Variants in PLBD1 observed in about 807,000 individuals in gnomAD.
The protein encoded by PLBD1 is lysosomal leucine aminopeptidase.
Under a neutral mutation model 63.0 loss-of-function variants are expected in PLBD1, and 60 were observed. That is an observed-to-expected ratio of 0.95 (90% confidence interval 0.77 to 1.18). The LOEUF is 1.18. PLBD1 is among the 50% of genes most tolerant of loss of function. PLBD1 has a pLI of 0.00. For synonymous variants in PLBD1, 262 were observed against 248.0 expected (o/e 1.06, Z -0.53); for missense variants, 598 against 677.9 (o/e 0.88, Z 1.31).
chr12:14,511,335 T>C lies in PLBD1; in HGVS notation c.1111A>G (p.Lys371Glu), dbSNP rs1945296704. 1.9e-6 allele frequency: 3 copies of C among 1,613,236 alleles called. No homozygotes were observed. Among genetic ancestry groups the C allele is most frequent in the Non-Finnish European group, 2.5e-6 (3 of 1,179,308 alleles). The change falls in exon 8 of 11, where the codon AAA becomes GAA. Residue 371 changes from lysine (K) to glutamate (E), a missense_variant. By Grantham distance (56) the Lys-to-Glu change is moderately conservative (BLOSUM62 1). Coordinates refer to ENST00000240617, the MANE Select transcript of PLBD1 (RefSeq NM_024829.6). ...TGCTCCACAATGTACAGAGTGCCTT[T>C]GTCAAGACTGTGGTTCAGCTTTACT... is the stretch of plus-strand genomic sequence containing the variant. ...KKVKLNHSLD[K>E]GTLYIVEQIP...
chr12:14,524,290 GAAGA>G (rs1286763483), intron 6 of PLBD1, among the ~76,000 whole-genome samples: 2 of 152,056 alleles, frequency 1.3e-5, no homozygotes, highest in Non-Finnish European at 2.9e-5. Flanking sequence ...TAAATAACTA[GAAGA>G]GAGATTTTTG....
intron 6 of PLBD1, among the ~76,000 whole-genome samples, chr12:14,526,151 A>G (rs1945413979): frequency 6.6e-6 from 1 of 152,218 alleles, no homozygotes; most frequent in Non-Finnish European, 1.5e-5. Context: ...AAATATATAA[A>G]TATTTACAGT....
chr12:14,523,581 C>T (rs574326738), intron 6 of PLBD1, among the ~76,000 whole-genome samples: 23 of 152,232 alleles, frequency 1.5e-4, no homozygotes, highest in African/African-American at 4.8e-4. Flanking sequence ...TCAAAATATA[C>T]TACAAAGTTA....
At chr12:14,513,164 A>T (rs1177211598) in intron 6 of PLBD1, among the ~76,000 whole-genome samples, 1 of 152,200 alleles carries the variant, frequency 6.6e-6, no homozygotes, top group Non-Finnish European at 1.5e-5. Flanking sequence ...TATGTTATAC[A>T]AAAGAAAGGA....
intron 1 of PLBD1, among the ~76,000 whole-genome samples, chr12:14,564,808 A>G (rs1945767905): frequency 6.6e-6 from 1 of 152,074 alleles, no homozygotes; most frequent in Non-Finnish European, 1.5e-5. Flanking sequence ...CTCAGCAGCC[A>G]ACCCTAAAAG....
At chr12:14,519,309 T>A (rs1456695154) in intron 6 of PLBD1, among the ~76,000 whole-genome samples, 1 of 152,174 alleles carries the variant, frequency 6.6e-6, no homozygotes, top group African/African-American at 2.4e-5. Context: ...TAATTCAACA[T>A]GACCGGTGTC....
chr12:14,552,804 G>A (rs550206628), intron 2 of PLBD1, among the ~76,000 whole-genome samples: 14 of 152,348 alleles, frequency 9.2e-5, no homozygotes, highest in South Asian at 2.1e-4. Context: ...TAAGTGCCAT[G>A]AGAATTAAAG....
chr12:14,536,405 T>A (rs1945514814), intron 5 of PLBD1, among the ~76,000 whole-genome samples, 165 bp downstream of exon 5: 1 of 152,218 alleles, frequency 6.6e-6, no homozygotes, highest in South Asian at 2.1e-4. Flanking sequence ...GTACTTACAA[T>A]TCTCTCCATC....
chr12:14,566,922 T>G (rs1945791541), intron 1 of PLBD1, among the ~76,000 whole-genome samples: 1 of 151,870 alleles, frequency 6.6e-6, no homozygotes, highest in African/African-American at 2.4e-5. Flanking sequence ...TGGTGAAACC[T>G]CGTCTCTACT....
chr12:14,508,613 A>G (rs1009221986), intron 8 of PLBD1, among the ~76,000 whole-genome samples: 5 of 152,058 alleles, frequency 3.3e-5, no homozygotes, highest in African/African-American at 1.2e-4. Context: ...CACTAAAAAT[A>G]TAAAAAAATA....
rs541008696 is a variant in PLBD1, at chr12:14,527,994, C to T, written c.844+7665G>A. The stretch of plus-strand genomic sequence containing the variant: ...AAGGGTCAATATAGTAGGAATATAC[C>T]ATACTTATGAATGTATGTGCTAAAT... On this transcript the variant is annotated intron_variant, in intron 6 of 10. Transcript: ENST00000240617. 7.3e-5 allele frequency among the ~76,000 whole-genome samples: 11 copies of T among 151,082 alleles called. No homozygotes were observed. In the Middle Eastern group the frequency reaches 0.017, roughly 240 times the overall value.
intron 8 of PLBD1, 47 bp from the exon 9 acceptor site, chr12:14,507,165 A>AG: frequency 7.2e-7 from 1 of 1,398,150 alleles, no homozygotes; most frequent in South Asian, 1.3e-5. Flanking sequence ...ACAGGGAAGG[A>AG]GACAGAAAAG....
At chr12:14,505,178 A>G (rs1389019102) in intron 10 of PLBD1, among the ~76,000 whole-genome samples, 2 of 151,256 alleles carry the variant, frequency 1.3e-5, no homozygotes, top group East Asian at 1.9e-4. Context: ...TCACATAGCT[A>G]AAAAGAAGGT....
intron 6 of PLBD1, among the ~76,000 whole-genome samples, chr12:14,527,030 C>G (rs1158297014): frequency 6.6e-6 from 1 of 152,118 alleles, no homozygotes; most frequent in Non-Finnish European, 1.5e-5. Context: ...GACTTACAGA[C>G]TTAAGCTGCA....
At chr12:14,532,031 T>C (rs1219283671) in intron 6 of PLBD1, among the ~76,000 whole-genome samples, 1 of 152,206 alleles carries the variant, frequency 6.6e-6, no homozygotes, top group Non-Finnish European at 1.5e-5. Flanking sequence ...AATTTAAGGC[T>C]TCACAATTTA....
intron 2 of PLBD1, among the ~76,000 whole-genome samples, chr12:14,543,158 T>C (rs1945589300): frequency 6.6e-6 from 1 of 152,052 alleles, no homozygotes; most frequent in African/African-American, 2.4e-5. Context: ...ATTTGTCCCC[T>C]CTTTCATGTT....
intron 6 of PLBD1, among the ~76,000 whole-genome samples, chr12:14,521,375 A>G (rs1945374658): frequency 6.6e-6 from 1 of 152,090 alleles, no homozygotes; most frequent in Admixed American, 6.6e-5. Context: ...CCCCCAGAGG[A>G]CAGACTGTGT....
chr12:14,540,768 GT>G lies in PLBD1; in HGVS notation c.553del (p.Thr185GlnfsTer4). The G allele has an allele frequency of 6.3e-7, 1 of 1,589,650 alleles. No homozygotes were observed. The highest frequency in any genetic ancestry group is 8.6e-7 in the Non-Finnish European group (1 of 1,163,734). ...GAKKRAILEG[T>X]KPMTLFQIQF... is the part of the protein sequence containing the mutation. ...GAAGCTTGTTTAAAGTCCTACCTTTGTCCCTTCTAATATAGCCCTCTTCTTT... is the reference window on the plus strand; with the variant it reads ...GAAGCTTGTTTAAAGTCCTACCTTTGCCCTTCTAATATAGCCCTCTTCTTT... On this transcript the variant is annotated frameshift_variant, in exon 4 of 11. Coordinates refer to ENST00000240617, the MANE Select transcript of PLBD1 (RefSeq NM_024829.6). LOFTEE classifies it high-confidence loss of function.
intron 7 of PLBD1, 52 bp downstream of exon 7, chr12:14,511,459 C>T (rs1945297799): frequency 6.2e-7 from 1 of 1,613,814 alleles, no homozygotes; most frequent in East Asian, 2.2e-5. Context: ...GTTAACAAGC[C>T]TAAATCAAAA....
Sources: gnomAD v4.1 joint callset for allele counts (sites outside exome capture counted in the v4.1 genomes callset) on GRCh38, gnomAD v4.1.1 for gene constraint, MANE v1.5 for transcripts, NCBI Gene and HGNC (gene_info 2026-07-23, HGNC 2026-07-21) for gene names.